Variants in OR14I1 observed in about 807,000 individuals in gnomAD.
OR14I1 encodes olfactory receptor 14I1.
For missense variants in OR14I1, 279 were observed against 181.8 expected, an observed-to-expected ratio of 1.53 and a Z score of -3.07; for synonymous variants, 118 against 71.1, an observed-to-expected ratio of 1.66 and a Z score of -3.32.
At chr1:248,696,850 T>C in the OR14I1 span, among the ~76,000 whole-genome samples, 1 of 152,208 alleles carries the variant, frequency 6.6e-6, no homozygotes, top group African/African-American at 2.4e-5. Context: ...GGCAGGGATT[T>C]TTATAGTAAC....
chr1:248,682,233 C>T (rs2103132978), exon 1 of OR14I1: 1 of 777,400 alleles, frequency 1.3e-6, no homozygotes, highest in Middle Eastern at 2.3e-4. Flanking sequence ...GCCCGGCGTG[C>T]AGCACCTGCA....
chr1:248,695,549 A>T, the OR14I1 span, among the ~76,000 whole-genome samples: 1 of 152,108 alleles, frequency 6.6e-6, no homozygotes, highest in Non-Finnish European at 1.5e-5. Context: ...ATGCGTTTTT[A>T]AAATTACATT....
the OR14I1 span, among the ~76,000 whole-genome samples, chr1:248,689,046 CCTGA>C: frequency 2.6e-5 from 4 of 152,088 alleles, no homozygotes; most frequent in Non-Finnish European, 4.4e-5. Context: ...TATGCAAAGG[CCTGA>C]CTATTTAAAA....
chr1:248,697,165 GATAAA>G, the OR14I1 span: 1 of 152,292 alleles, frequency 6.6e-6, no homozygotes, highest in East Asian at 1.9e-4. Flanking sequence ...GTGTGCAGCA[GATAAA>G]ATAAAGTGTA....
At chr1:248,685,634 G>A (rs975256559), upstream of OR14I1, among the ~76,000 whole-genome samples, 4 of 151,512 alleles carry the variant, frequency 2.6e-5, no homozygotes, top group Non-Finnish European at 5.9e-5. Flanking sequence ...ACTGCTAAAG[G>A]AAAAGCATCA....
At chr1:248,696,794 T>G in the OR14I1 span, among the ~76,000 whole-genome samples, 1 of 152,192 alleles carries the variant, frequency 6.6e-6, no homozygotes, top group African/African-American at 2.4e-5. Context: ...ATTTTTTTCT[T>G]CTTTGTTTTT....
the OR14I1 span, among the ~76,000 whole-genome samples, chr1:248,693,662 T>G: frequency 6.6e-6 from 1 of 152,088 alleles, no homozygotes; most frequent in African/African-American, 2.4e-5. Flanking sequence ...ATCTTGGAGC[T>G]TCCAATCTTC....
the OR14I1 span, among the ~76,000 whole-genome samples, chr1:248,689,867 TAACA>T: frequency 6.6e-6 from 1 of 152,118 alleles, no homozygotes; most frequent in Non-Finnish European, 1.5e-5. Context: ...ATGGAAATCA[TAACA>T]AACAGTCTTT....
exon 1 of OR14I1, chr1:248,682,095 G>A (rs768264550): frequency 1.9e-5 from 15 of 780,946 alleles, no homozygotes; most frequent in Non-Finnish European, 3.1e-5. Flanking sequence ...CTGAGATGTA[G>A]CACAGATCCA....
downstream of OR14I1, among the ~76,000 whole-genome samples, chr1:248,679,324 C>T (rs561265731): frequency 6.6e-6 from 1 of 151,728 alleles, no homozygotes; most frequent in African/African-American, 2.4e-5. Context: ...GGAGTGTGTG[C>T]TGATTGGGAG....
At chr1:248,685,381 T>C (rs74154545), upstream of OR14I1, among the ~76,000 whole-genome samples, 2,074 of 152,264 alleles carry the variant, frequency 0.014, 46 homozygotes, top group African/African-American at 0.048. Flanking sequence ...AATTGGTTTG[T>C]ATTTAAAATA....
At chr1:248,701,287 G>C in the OR14I1 span, among the ~76,000 whole-genome samples, 1 of 152,198 alleles carries the variant, frequency 6.6e-6, no homozygotes, top group South Asian at 2.1e-4. Context: ...AAGTAGCTGG[G>C]ATTACAGGTG....
chr1:248,691,836 A>T, the OR14I1 span: 1 of 152,428 alleles, frequency 6.6e-6, no homozygotes, highest in African/African-American at 2.4e-5. Flanking sequence ...CTCAGGACGC[A>T]GCTGCCGGTC....
At chr1:248,678,617 G>C (rs938202214), downstream of OR14I1, among the ~76,000 whole-genome samples, 1 of 152,158 alleles carries the variant, frequency 6.6e-6, no homozygotes, top group Admixed American at 6.5e-5. Context: ...ATTAATTATA[G>C]TTGTTGTATG....
At chr1:248,688,864 T>A in the OR14I1 span, among the ~76,000 whole-genome samples, 5 of 152,334 alleles carry the variant, frequency 3.3e-5, no homozygotes, top group African/African-American at 7.2e-5. Flanking sequence ...GATTCAACTG[T>A]CAGTCAGATA....
the OR14I1 span, chr1:248,697,043 T>C: frequency 2.0e-5 from 3 of 152,166 alleles, no homozygotes; most frequent in African/African-American, 7.2e-5. Flanking sequence ...TCCTGGGAGA[T>C]TAAGATGAGT....
the OR14I1 span, among the ~76,000 whole-genome samples, chr1:248,688,028 T>C: frequency 6.6e-6 from 1 of 152,242 alleles, no homozygotes; most frequent in Non-Finnish European, 1.5e-5. Flanking sequence ...AAAAGATCAT[T>C]AATGTTTTTT....
chr1:248,689,706 C>A, the OR14I1 span, among the ~76,000 whole-genome samples: 4 of 152,186 alleles, frequency 2.6e-5, no homozygotes, highest in African/African-American at 9.7e-5. Flanking sequence ...AGGACTTGAA[C>A]TCAGCTCTGG....
At chr1:248,686,192 A>T, upstream of OR14I1, among the ~76,000 whole-genome samples, 1 of 152,198 alleles carries the variant, frequency 6.6e-6, no homozygotes, top group East Asian at 1.9e-4. Context: ...ATGTGGTATG[A>T]TGAGTAATAA....
Sources: allele counts gnomAD v4.1 joint callset (sites outside exome capture counted in the v4.1 genomes callset), GRCh38; gene constraint gnomAD v4.1.1; transcripts MANE v1.5; gene names NCBI Gene and HGNC (gene_info 2026-07-23, HGNC 2026-07-21).